ABCD2: variants seen among roughly 807,000 people sequenced by gnomAD.
ABCD2 encodes the protein ATP-binding cassette sub-family D member 2.
ABCD2 carries 36 observed loss-of-function variants against 70.9 expected under a neutral mutation model. That is an observed-to-expected ratio of 0.51 (90% confidence interval 0.39 to 0.67). The LOEUF (loss-of-function observed/expected upper bound fraction) is 0.67. Among genes scored for constraint, ABCD2 ranks in the 30% least tolerant of loss-of-function variants. The pLI is 0.00. For missense variants in ABCD2, 729 were observed against 890.2 expected (o/e 0.82, Z 2.30); for synonymous variants, 304 against 306.9 (o/e 0.99, Z 0.10).
At chr12:39,601,388 AATAT>A (rs543832748) in intron 5 of ABCD2, among the ~76,000 whole-genome samples, 4 of 150,674 alleles carry the variant, frequency 2.7e-5, no homozygotes, top group Non-Finnish European at 5.9e-5. Context: ...ATATGTGAAT[AATAT>A]ATATATATAA....
chr12:39,610,343 T>A (rs1228746740), intron 2 of ABCD2, among the ~76,000 whole-genome samples: 2 of 152,146 alleles, frequency 1.3e-5, no homozygotes, highest in African/African-American at 2.4e-5. Flanking sequence ...GTTAATTAGT[T>A]AGTTTACCTA....
At chr12:39,579,998 G>T (rs933326803) in intron 7 of ABCD2, among the ~76,000 whole-genome samples, 4 of 152,070 alleles carry the variant, frequency 2.6e-5, no homozygotes, top group Non-Finnish European at 4.4e-5. Context: ...GGGTAAGAAA[G>T]GAACTAATTT....
downstream of ABCD2, among the ~76,000 whole-genome samples, chr12:39,549,632 G>A (rs1189498196): frequency 1.1e-4 from 16 of 151,780 alleles, no homozygotes; most frequent in Admixed American, 1.1e-3. Flanking sequence ...TCCCTTTTTA[G>A]ATGAAAAGTG....
chr12:39,617,353 TA>T (rs1323148419), intron 1 of ABCD2, among the ~76,000 whole-genome samples, 185 bp from the exon 2 acceptor site: 1 of 152,074 alleles, frequency 6.6e-6, no homozygotes, highest in Non-Finnish European at 1.5e-5. Flanking sequence ...TCAGTGGACA[TA>T]ATGTTAGGTA....
At chr12:39,535,783 A>C in the ABCD2 span, among the ~76,000 whole-genome samples, 1 of 152,262 alleles carries the variant, frequency 6.6e-6, no homozygotes, top group African/African-American at 2.4e-5. Flanking sequence ...ATATAATGCC[A>C]TAATTGAAAA....
intron 2 of ABCD2, among the ~76,000 whole-genome samples, chr12:39,612,965 C>A (rs1942064678): frequency 6.6e-6 from 1 of 152,178 alleles, no homozygotes; most frequent in African/African-American, 2.4e-5. Flanking sequence ...CTTAGACACT[C>A]TTTTTTCCTG....
chr12:39,589,409 C>T (rs563396483), intron 6 of ABCD2, among the ~76,000 whole-genome samples: 6 of 117,362 alleles, frequency 5.1e-5, no homozygotes, highest in South Asian at 5.8e-4. Flanking sequence ...TTTTTTGAGA[C>T]GGAGTCTCGC....
chr12:39,537,529 A>G, the ABCD2 span, among the ~76,000 whole-genome samples: 4 of 152,208 alleles, frequency 2.6e-5, no homozygotes, highest in Non-Finnish European at 4.4e-5. Flanking sequence ...CCTTTTTACA[A>G]GCTAAAAAAC....
chr12:39,600,654 G>A lies in ABCD2; in HGVS notation c.1563C>T (p.Phe521=), dbSNP rs1357263324. Residue 521 remains phenylalanine, a synonymous_variant, in exon 6 of 10, where the codon TTC becomes TTT. Transcript: ENST00000308666. ...CAGGCCAGAGCCCACTTAGAATTCT[G>A]AAGAGAGAACTTTTCCCACAACCAT... ...GPNGCGKSSL[F]RILSGLWPVY... 1.2e-6 allele frequency: 2 copies of A among 1,612,710 alleles called. No homozygotes were observed. Among genetic ancestry groups the A allele is most frequent in the Non-Finnish European group, 1.7e-6 (2 of 1,179,266 alleles).
intron 9 of ABCD2, among the ~76,000 whole-genome samples, chr12:39,563,843 T>C (rs574934580): frequency 1.1e-4 from 17 of 152,336 alleles, no homozygotes; most frequent in Admixed American, 2.0e-4. Flanking sequence ...ATTCTCATTG[T>C]TCAATTCACA....
chr12:39,545,757 C>G (rs1050057551), downstream of ABCD2, among the ~76,000 whole-genome samples: 4 of 152,030 alleles, frequency 2.6e-5, no homozygotes, highest in Non-Finnish European at 4.4e-5. Context: ...AGTAAAAAGA[C>G]TCTAATTTGA....
chr12:39,531,871 G>A, the ABCD2 span, among the ~76,000 whole-genome samples: 1,047 of 152,340 alleles, frequency 6.9e-3, 6 homozygotes, highest in South Asian at 0.026. Context: ...GCCCAGGGGC[G>A]CCTGGATTGA....
intron 7 of ABCD2, among the ~76,000 whole-genome samples, chr12:39,581,066 C>A (rs1424075759): frequency 1.3e-5 from 2 of 152,106 alleles, no homozygotes; most frequent in Admixed American, 1.3e-4. Context: ...TTCTTACCAT[C>A]TTCTTCCTTT....
intron 1 of ABCD2, among the ~76,000 whole-genome samples, chr12:39,617,435 AT>A (rs1322016090): frequency 6.6e-6 from 1 of 152,136 alleles, no homozygotes; most frequent in Non-Finnish European, 1.5e-5. Context: ...ATTAAATGAT[AT>A]TATATGAGAC....
chr12:39,577,618 A>G (rs1202888679), intron 8 of ABCD2, among the ~76,000 whole-genome samples: 2 of 152,186 alleles, frequency 1.3e-5, no homozygotes, highest in Middle Eastern at 3.2e-3. Context: ...AATCAGTGTA[A>G]AAAGATATTT....
At chr12:39,560,747 T>C (rs1378343620) in intron 9 of ABCD2, among the ~76,000 whole-genome samples, 1 of 152,136 alleles carries the variant, frequency 6.6e-6, no homozygotes, top group African/African-American at 2.4e-5. Flanking sequence ...TAAATTAAAG[T>C]TGTTATGAAC....
rs1243770666 is a variant in ABCD2, at chr12:39,604,797, A to G, written c.1370T>C (p.Val457Ala). ...CAATGTGTCACTGAGAGGTAATTCTACCTTAGCTCCATTCTTGCTATGGCT... is the reference window on the plus strand; with the variant it reads ...CAATGTGTCACTGAGAGGTAATTCTGCCTTAGCTCCATTCTTGCTATGGCT... ...SESHSKNGAKVELPLSDTLAI... is the reference protein window; with the variant it reads ...SESHSKNGAKAELPLSDTLAI... The change falls in exon 4 of 10, where the codon GTA (valine) becomes GCA (alanine). Residue 457 changes from valine to alanine, a missense_variant. Physicochemically the swap from Val to Ala is moderately conservative, Grantham distance 64 (BLOSUM62 0). Around this residue, in one of 3 missense-constraint regions of ABCD2, gnomAD observed 195 missense variants for 300.2 expected, o/e 0.65. Transcript: ENST00000308666. 6 of 1,610,388 alleles carry G rather than the reference A, an allele frequency of 3.7e-6. No individual in the cohort carries two copies. In the African/African-American group the frequency reaches 4.0e-5, roughly 11 times the overall value.
intron 9 of ABCD2, among the ~76,000 whole-genome samples, chr12:39,571,069 A>C (rs1315892855): frequency 6.6e-6 from 1 of 152,208 alleles, no homozygotes; most frequent in Admixed American, 6.5e-5. Context: ...AGAAAATGAC[A>C]GAAAGTGTTG....
chr12:39,561,808 C>G (rs568778972), intron 9 of ABCD2, among the ~76,000 whole-genome samples: 1 of 152,088 alleles, frequency 6.6e-6, no homozygotes, highest in Admixed American at 6.6e-5. Context: ...GAAAGAAACA[C>G]CAGATTTAAG....
Sources: gnomAD v4.1 joint callset for allele counts (sites outside exome capture counted in the v4.1 genomes callset) on GRCh38, gnomAD v4.1.1 for gene constraint, gnomAD v4.1.1 regional missense constraint, MANE v1.5 for transcripts, NCBI Gene and HGNC (gene_info 2026-07-23, HGNC 2026-07-21) for gene names.